The following SNED1 variants were observed in gnomAD, a reference collection of about 807,000 sequenced individuals.
SNED1 encodes sushi, nidogen and EGF like domains 1.
SNED1 carries 81 observed loss-of-function variants against 166.7 expected under a neutral mutation model. That is an observed-to-expected ratio of 0.49 (90% CI 0.41 to 0.58). The LOEUF (loss-of-function observed/expected upper bound fraction) is 0.58. SNED1 is among the 20% of genes least tolerant of loss of function. SNED1 has a pLI of 0.00. For missense variants in SNED1, 1,604 were observed against 2,000.2 expected (o/e 0.80, Z 3.78); for synonymous variants, 762 against 822.0 (o/e 0.93, Z 1.25).
chr2:241,049,829 C>A lies in SNED1; in HGVS notation c.1631C>A (p.Pro544His). 6.2e-7 allele frequency: 1 copy of A among 1,613,710 alleles called. No individual in the cohort carries two copies. The highest frequency in any genetic ancestry group is 8.5e-7 in the Non-Finnish European group (1 of 1,179,718). Residue 544 changes from proline to histidine, a missense_variant, in exon 12 of 32, where the codon CCC (proline) becomes CAC (histidine). By Grantham distance (77) the Pro-to-His change is moderately conservative. Transcript: ENST00000310397. Reference sequence around the variant, plus strand: ...CCCCCGCCCCCAGCCCTGCCATCACCCTGCGACTCGGACCCCTGCTTCAAC... The same window carrying A: ...CCCCCGCCCCCAGCCCTGCCATCACACTGCGACTCGGACCCCTGCTTCAAC... ...DHNASHSLPSPCDSDPCFNGG... is the reference protein window; with the variant it reads ...DHNASHSLPSHCDSDPCFNGG...
chr2:241,023,687 G>C (rs952154683), intron 1 of SNED1, among the ~76,000 whole-genome samples: 1 of 151,810 alleles, frequency 6.6e-6, no homozygotes, highest in Non-Finnish European at 1.5e-5. Flanking sequence ...CTTGCTATAG[G>C]GTATACACAA....
chr2:241,087,160 A>C, intron 29 of SNED1: 1 of 495,978 alleles, frequency 2.0e-6, no homozygotes, highest in Non-Finnish European at 3.5e-6. Flanking sequence ...AATGCACATT[A>C]AAATGGGTTT....
At chr2:241,031,090 AG>A (rs2061153029) in intron 2 of SNED1, among the ~76,000 whole-genome samples, 1 of 152,196 alleles carries the variant, frequency 6.6e-6, no homozygotes, top group African/African-American at 2.4e-5. Flanking sequence ...TGTGCAAGAC[AG>A]ACAGTGACTC....
At chr2:241,032,078 G>A (rs373908157) in intron 2 of SNED1, among the ~76,000 whole-genome samples, 11 of 152,278 alleles carry the variant, frequency 7.2e-5, no homozygotes, top group South Asian at 6.2e-4. Flanking sequence ...GGCAGGGTGC[G>A]ATGGCTCACC....
intron 29 of SNED1, among the ~76,000 whole-genome samples, chr2:241,085,134 G>A (rs547352960): frequency 1.3e-5 from 2 of 152,088 alleles, no homozygotes; most frequent in East Asian, 3.9e-4. Flanking sequence ...TAAGCTTCTT[G>A]TATTTCTGGG....
chr2:241,090,183 G>GT (rs1270794145), intron 31 of SNED1: 1 of 1,465,926 alleles, frequency 6.8e-7, no homozygotes, highest in African/African-American at 1.4e-5. Flanking sequence ...TCTGTCCTTA[G>GT]TGCTTTTCTC....
At chr2:241,035,661 G>A (rs2061327119) in intron 4 of SNED1, 1 of 151,384 alleles carries the variant, frequency 6.6e-6, no homozygotes, top group East Asian at 2.0e-4. Flanking sequence ...TGAGTCCCCA[G>A]AGAACACGAC....
At chr2:241,011,940 G>T (rs1196340933) in intron 1 of SNED1, among the ~76,000 whole-genome samples, 1 of 152,208 alleles carries the variant, frequency 6.6e-6, no homozygotes, top group African/African-American at 2.4e-5. Flanking sequence ...CCCTGGCTCA[G>T]CCCCCAGCGG....
chr2:241,012,017 C>T (rs1252919979), intron 1 of SNED1, among the ~76,000 whole-genome samples: 3 of 152,178 alleles, frequency 2.0e-5, no homozygotes, highest in East Asian at 1.9e-4. Flanking sequence ...CGGGTGGGCC[C>T]GAGGCCTCTG....
chr2:241,025,759 T>C (rs2060940840), intron 1 of SNED1, among the ~76,000 whole-genome samples: 1 of 152,172 alleles, frequency 6.6e-6, no homozygotes, highest in African/African-American at 2.4e-5. Context: ...ATGTTGGCAG[T>C]TGTTTTCTTT....
At position 241,076,017 on chromosome 2, in the gene SNED1, G is replaced by T. The variant is rs139463599; in HGVS notation, c.3916+2653G>T. Reference sequence around the variant, plus strand: ...CTGGCGGCGTCAATTTGATACATCTGTGCCAATACTGCCCTGTGTTCACTC... The same window carrying T: ...CTGGCGGCGTCAATTTGATACATCTTTGCCAATACTGCCCTGTGTTCACTC... On this transcript the variant is annotated intron_variant, in intron 27 of 31. Coordinates refer to ENST00000310397, the MANE Select transcript of SNED1 (RefSeq NM_001080437.3). 7.9e-5 allele frequency among the ~76,000 whole-genome samples: 12 copies of T among 152,312 alleles called. No individual in the cohort carries two copies. In the East Asian group the frequency reaches 2.3e-3, roughly 29 times the overall value.
chr2:241,082,489 T>TG (rs1173274854), intron 29 of SNED1, 125 bp downstream of exon 29: 2 of 669,930 alleles, frequency 3.0e-6, no homozygotes, highest in Non-Finnish European at 5.2e-6. Context: ...AGAAGGGACT[T>TG]GCTTTGACCA....
At position 241,037,368 on chromosome 2, in the gene SNED1, C is replaced by CCGGGGCCCA. The variant is rs1559249237; in HGVS notation, c.1045+24_1045+32dup. 2 of 1,560,594 alleles carry CCGGGGCCCA rather than the reference C, an allele frequency of 1.3e-6. No homozygotes were observed. The highest frequency in any genetic ancestry group is 1.8e-6 in the Non-Finnish European group (2 of 1,141,716). On this transcript the variant is annotated intron_variant, in intron 6 of 31. Transcript: ENST00000310397. The stretch of plus-strand genomic sequence containing the variant: ...CTGTGAGACAGGTAAGAGGAACCCA[C>CCGGGGCCCA]CGGGGCCCACGGGGCCCTGCTGGGG...
chr2:241,007,361 TACTC>T lies in SNED1; in HGVS notation c.213+8315_213+8318del, dbSNP rs543334203. 3.6e-4 allele frequency among the ~76,000 whole-genome samples: 55 copies of T among 152,380 alleles called. 3 individuals carry two copies. In the South Asian group the frequency reaches 0.011, roughly 29 times the overall value. On this transcript the variant is annotated intron_variant, in intron 1 of 31. Coordinates refer to ENST00000310397, the MANE Select transcript of SNED1 (RefSeq NM_001080437.3). The stretch of plus-strand genomic sequence containing the variant: ...TTGGTGCATTCATTCACTGTTGACT[TACTC>T]ACTACTTCATTTGTTCGTTCCTTCA...
chr2:241,043,834 T>C (rs1392995780), intron 8 of SNED1, among the ~76,000 whole-genome samples: 1 of 152,218 alleles, frequency 6.6e-6, no homozygotes, highest in African/African-American at 2.4e-5. Flanking sequence ...TGTAAATGAA[T>C]AGGTATGGCT....
chr2:241,074,381 A>G (rs754382768), intron 27 of SNED1: 1 of 152,186 alleles, frequency 6.6e-6, no homozygotes, highest in East Asian at 1.9e-4. Flanking sequence ...CAGAGAGTGA[A>G]GGATTCTCTT....
chr2:241,079,286 C>T (rs566230503), intron 27 of SNED1, among the ~76,000 whole-genome samples: 1 of 151,396 alleles, frequency 6.6e-6, no homozygotes, highest in South Asian at 2.1e-4. Flanking sequence ...GTGGCAGGCG[C>T]CTGTAGTCCC....
chr2:241,037,166 C>T (rs2061400229), intron 5 of SNED1, 74 bp from the exon 6 acceptor site: 2 of 1,322,018 alleles, frequency 1.5e-6, no homozygotes, highest in Non-Finnish European at 2.1e-6. Context: ...CGTCCCCGGC[C>T]CAACCCGAGC....
chr2:241,064,186 G>A lies in SNED1; in HGVS notation c.2599+61G>A, dbSNP rs1473476141. 114 of 1,166,264 alleles carry A rather than the reference G, an allele frequency of 9.8e-5. No homozygotes were observed. The African/African-American group carries it at 1.4e-3, about 14-fold the overall frequency. 72.2% of individuals were successfully genotyped at this position (1,166,264 alleles called of 1,614,324 possible). A position where few individuals can be genotyped will look rare whatever the true frequency, so the allele number is the denominator to read the frequency against. On this transcript the variant is annotated intron_variant, in intron 19 of 31. Transcript: ENST00000310397. This position sits in a 1 kb window ranked among gnomAD's most constrained non-coding sequence, Gnocchi z 7.0. ...CCCGCCTGCTCCCCGCCCTCTGCCC[G>A]CCTGCTGCCCGCCCTCTGCCCGCCT...
Sources: gnomAD v4.1 joint callset for allele counts (sites outside exome capture counted in the v4.1 genomes callset) on GRCh38, gnomAD v4.1.1 for gene constraint, Gnocchi (gnomAD v3.1) non-coding constraint, MANE v1.5 for transcripts, NCBI Gene and HGNC (gene_info 2026-07-23, HGNC 2026-07-21) for gene names.